SENP6: variants seen among roughly 807,000 people sequenced by gnomAD.
SENP6 encodes the protein sentrin-specific protease 6.
A neutral mutation model predicts 134.5 loss-of-function variants in SENP6; 41 were observed. That is an observed-to-expected ratio of 0.30 (90% CI 0.24 to 0.40). SENP6 has a LOEUF of 0.40. Ranked by LOEUF, SENP6 falls within the 10% of genes least tolerant of loss-of-function variation. SENP6 has a pLI of 1.00. For missense variants in SENP6, 1,248 were observed against 1,312.5 expected, an observed-to-expected ratio of 0.95 and a Z score of 0.76; for synonymous variants, 395 against 429.8, an observed-to-expected ratio of 0.92 and a Z score of 1.00.
intron 16 of SENP6, among the ~76,000 whole-genome samples, chr6:75,685,251 A>AT (rs1773745445): frequency 6.6e-6 from 1 of 152,046 alleles, no homozygotes; most frequent in Non-Finnish European, 1.5e-5. Context: ...CCCCTTTATC[A>AT]TTTTTTATGG....
intron 7 of SENP6, among the ~76,000 whole-genome samples, chr6:75,652,507 T>C (rs558313893): frequency 6.6e-6 from 1 of 151,568 alleles, no homozygotes; most frequent in Admixed American, 6.6e-5. Flanking sequence ...GGACAAATGA[T>C]ATACAGATTT....
Position 75,715,825 on chromosome 6 carries a change from A to G in SENP6, c.*231A>G, listed in dbSNP as rs538723353. 2 of 305,034 alleles carry G rather than the reference A, an allele frequency of 6.6e-6. No individual in the cohort carries two copies. The highest frequency in any genetic ancestry group is 1.1e-4 in the East Asian group (2 of 18,584). 18.9% of individuals were successfully genotyped at this position (305,034 alleles called of 1,614,324 possible). A position where few individuals can be genotyped will look rare whatever the true frequency, so the allele number is the denominator to read the frequency against. On this transcript the variant is annotated 3_prime_UTR_variant, in exon 24 of 24. Transcript: ENST00000447266. ...TAATTATTTTTTTCACTTGTTAGGA[A>G]GCTTTTGTTATGTATTTTCTGTTAA...
intron 13 of SENP6, among the ~76,000 whole-genome samples, chr6:75,676,278 T>C (rs910047817): frequency 1.3e-5 from 2 of 152,110 alleles, no homozygotes; most frequent in Non-Finnish European, 2.9e-5. Context: ...CTTACTCATT[T>C]ACAAAGTTTC....
chr6:75,667,387 A>G (rs1772325859), intron 10 of SENP6, among the ~76,000 whole-genome samples: 1 of 152,220 alleles, frequency 6.6e-6, no homozygotes. Flanking sequence ...TGCAGATGAC[A>G]TAGTATTTTA....
At chr6:75,624,885 C>T (rs1447426171) in intron 3 of SENP6, among the ~76,000 whole-genome samples, 3 of 152,022 alleles carry the variant, frequency 2.0e-5, no homozygotes, top group Admixed American at 2.0e-4. Context: ...ATAATCCTAG[C>T]ACTTTGGGAA....
chr6:75,669,004 C>T (rs776389609), intron 10 of SENP6, among the ~76,000 whole-genome samples: 2 of 152,114 alleles, frequency 1.3e-5, no homozygotes, highest in Non-Finnish European at 2.9e-5. Context: ...AACTCTACAG[C>T]TAAAAACAAA....
chr6:75,645,432 A>C (rs976044814), intron 6 of SENP6, among the ~76,000 whole-genome samples: 5 of 152,212 alleles, frequency 3.3e-5, no homozygotes, highest in African/African-American at 1.2e-4. Context: ...CCTGGCTGAC[A>C]TGGTGAAACA....
intron 9 of SENP6, among the ~76,000 whole-genome samples, chr6:75,663,828 G>C (rs1343658319): frequency 6.7e-6 from 1 of 148,504 alleles, no homozygotes. Context: ...TTGTGGGGGG[G>C]GGGGTGCCTA....
At chr6:75,609,599 T>C (rs1767289792) in intron 1 of SENP6, among the ~76,000 whole-genome samples, 1 of 152,224 alleles carries the variant, frequency 6.6e-6, no homozygotes, top group Non-Finnish European at 1.5e-5. Context: ...ACAGTCAAAG[T>C]ATTTTTCAAC....
intron 20 of SENP6, 145 bp from the exon 21 acceptor site, chr6:75,711,183 C>T: frequency 2.7e-5 from 14 of 521,102 alleles, no homozygotes; most frequent in South Asian, 3.6e-5. Context: ...AGTAACATAC[C>T]ACATCTCTAG....
chr6:75,605,733 C>T (rs1766977229), intron 1 of SENP6, among the ~76,000 whole-genome samples: 2 of 152,076 alleles, frequency 1.3e-5, no homozygotes, highest in South Asian at 2.1e-4. Context: ...ATATCTTTCT[C>T]AGCGGGAAGC....
chr6:75,675,990 C>A lies in SENP6; in HGVS notation c.1557C>A (p.Ile519=), dbSNP rs779227296. Residue 519 remains isoleucine (I), a synonymous_variant, in exon 13 of 24, where the codon ATC becomes ATA. Transcript: ENST00000447266. ...AIPAVYQKLS[I]QLQMNKEDKV... is the part of the protein sequence containing the mutation. ...CAGCAGTTTATCAAAAGCTGAGCATCCAACTGCAAATGAATAAGGAGGATA... is the reference window on the plus strand; with the variant it reads ...CAGCAGTTTATCAAAAGCTGAGCATACAACTGCAAATGAATAAGGAGGATA... The A allele has an allele frequency of 1.2e-5, 19 of 1,611,780 alleles. 1 individual carries two copies. The South Asian group carries it at 2.1e-4, about 18-fold the overall frequency.
intron 1 of SENP6, among the ~76,000 whole-genome samples, chr6:75,613,410 C>T (rs1261208120): frequency 6.6e-6 from 1 of 152,062 alleles, no homozygotes; most frequent in Non-Finnish European, 1.5e-5. Context: ...AAGATATTTA[C>T]CGTCTGGCCT....
Position 75,623,948 on chromosome 6 carries a change from A to G in SENP6, c.195A>G (p.Ser65=). 1 of 1,608,820 alleles carries G rather than the reference A, an allele frequency of 6.2e-7. No individual in the cohort carries two copies. Among genetic ancestry groups the G allele is most frequent in the South Asian group, 1.1e-5 (1 of 90,126 alleles). ...ATGAAGATGAGGATTCTGAAACCTC[A>G]AAAGGAAAAAAGGCAAGTGTTGCTT... The part of the protein sequence containing the change: ...SVDEDEDSET[S]KGKKLNRRSE... Residue 65 remains serine (S), a synonymous_variant, in exon 3 of 24, where the codon TCA becomes TCG. Coordinates refer to ENST00000447266, the MANE Select transcript of SENP6 (RefSeq NM_015571.4).
At chr6:75,671,397 A>G (rs1772662798) in intron 11 of SENP6, among the ~76,000 whole-genome samples, 2 of 152,064 alleles carry the variant, frequency 1.3e-5, no homozygotes, top group Non-Finnish European at 2.9e-5. Flanking sequence ...TTTCAAACTG[A>G]TATTGTCCTT....
intron 16 of SENP6, among the ~76,000 whole-genome samples, chr6:75,688,868 A>G (rs1774032465): frequency 6.6e-6 from 1 of 152,188 alleles, no homozygotes; most frequent in Non-Finnish European, 1.5e-5. Flanking sequence ...AGGAGGTGAA[A>G]CCAACCTGAC....
chr6:75,651,211 T>C (rs1044811715), intron 7 of SENP6, among the ~76,000 whole-genome samples: 2 of 152,198 alleles, frequency 1.3e-5, no homozygotes, highest in African/African-American at 4.8e-5. Flanking sequence ...CCCTTTTTTT[T>C]CAGCCTGTTT....
chr6:75,689,488 T>G (rs1158818182), intron 16 of SENP6, among the ~76,000 whole-genome samples: 2 of 152,166 alleles, frequency 1.3e-5, no homozygotes, highest in South Asian at 2.1e-4. Flanking sequence ...AAAATGGTGC[T>G]GCCACTGTGG....
chr6:75,713,953 A>T (rs1775896889), intron 23 of SENP6, 128 bp downstream of exon 23: 1 of 727,404 alleles, frequency 1.4e-6, no homozygotes, highest in South Asian at 2.6e-5. Flanking sequence ...AAATTATTCC[A>T]TGGAGCAAAA....
Sources: gnomAD v4.1 joint callset for allele counts (sites outside exome capture counted in the v4.1 genomes callset) on GRCh38, gnomAD v4.1.1 for gene constraint, MANE v1.5 for transcripts, NCBI Gene and HGNC (gene_info 2026-07-23, HGNC 2026-07-21) for gene names.